MACROD2: variants seen among roughly 807,000 people sequenced by gnomAD.
MACROD2 encodes the protein mono-ADP ribosylhydrolase 2.
A neutral mutation model predicts 70.4 loss-of-function variants in MACROD2; 36 were observed. The observed-to-expected ratio is 0.51, with a 90% CI of 0.39 to 0.68. The LOEUF (loss-of-function observed/expected upper bound fraction) is 0.68. Ranked by LOEUF, MACROD2 falls within the 30% of genes least tolerant of loss-of-function variation. The pLI is 0.00. For synonymous variants in MACROD2, 172 were observed against 178.8 expected (o/e 0.96, Z 0.30); for missense variants, 496 against 538.4 (o/e 0.92, Z 0.78).
At chr20:15,089,514 C>A (rs1185426623) in intron 5 of MACROD2, among the ~76,000 whole-genome samples, 1 of 152,086 alleles carries the variant, frequency 6.6e-6, no homozygotes, top group Non-Finnish European at 1.5e-5. Flanking sequence ...AACATGTCAA[C>A]TCTTTTATCT....
chr20:14,702,829 G>A (rs1468536606), intron 5 of MACROD2, among the ~76,000 whole-genome samples: 2 of 150,900 alleles, frequency 1.3e-5, no homozygotes, highest in Non-Finnish European at 2.9e-5. Context: ...CTGGGTTCAA[G>A]CAATTCTCCT....
chr20:14,051,835 C>G, intron 2 of MACROD2: 1 of 482,444 alleles, frequency 2.1e-6, no homozygotes, highest in Non-Finnish European at 4.2e-6. Flanking sequence ...TTGAAAGGCC[C>G]ATCCTTTTTG....
intron 8 of MACROD2, among the ~76,000 whole-genome samples, chr20:15,859,349 A>C (rs2064393867): frequency 6.6e-6 from 1 of 152,162 alleles, no homozygotes; most frequent in Non-Finnish European, 1.5e-5. Flanking sequence ...AGACCTGTGC[A>C]GCTCAAACCT....
At chr20:14,540,699 T>C (rs1054427163) in intron 4 of MACROD2, among the ~76,000 whole-genome samples, 17 of 152,176 alleles carry the variant, frequency 1.1e-4, no homozygotes, top group African/African-American at 3.9e-4. Context: ...CCATAATCCC[T>C]TTTACCTATT....
At chr20:14,489,059 T>A (rs560200330) in intron 3 of MACROD2, among the ~76,000 whole-genome samples, 1 of 152,358 alleles carries the variant, frequency 6.6e-6, no homozygotes, top group South Asian at 2.1e-4. Flanking sequence ...ACAACACAGA[T>A]ACTGGAATAA....
At chr20:14,828,016 A>G (rs187130608) in intron 5 of MACROD2, among the ~76,000 whole-genome samples, 1 of 152,180 alleles carries the variant, frequency 6.6e-6, no homozygotes, top group African/African-American at 2.4e-5. Flanking sequence ...TTATGAAATT[A>G]ATGTGCATTC....
chr20:14,384,203 TAAAACCTG>T (rs2083449422), intron 3 of MACROD2, among the ~76,000 whole-genome samples: 1 of 152,124 alleles, frequency 6.6e-6, no homozygotes, highest in African/African-American at 2.4e-5. Context: ...TTCAAATTCA[TAAAACCTG>T]AGATATTCAG....
chr20:15,282,808 G>T (rs2077457438), intron 6 of MACROD2, among the ~76,000 whole-genome samples: 1 of 152,048 alleles, frequency 6.6e-6, no homozygotes, highest in African/African-American at 2.4e-5. Context: ...CCACATTCTG[G>T]GTATCTTTAT....
rs772728595 is a variant in MACROD2, at chr20:15,815,460, T to C, written c.646-47285T>C. ...AAAATAAAATGGAACTCCAGACCTG[T>C]GTGCGACAGCTGGTGTTCATATGAC... On this transcript the variant is annotated intron_variant, in intron 8 of 17. Coordinates refer to ENST00000684519, the MANE Select transcript of MACROD2 (RefSeq NM_001351661.2). Among the ~76,000 whole-genome samples, 2 of 152,078 alleles carry C rather than the reference T, an allele frequency of 1.3e-5. 1 individual carries two copies. Among genetic ancestry groups the C allele is most frequent in the East Asian group, 3.9e-4 (2 of 5,180 alleles).
At chr20:15,426,188 C>G (rs961941313) in intron 6 of MACROD2, among the ~76,000 whole-genome samples, 1 of 145,658 alleles carries the variant, frequency 6.9e-6, no homozygotes. Context: ...GAGAAACACC[C>G]AAGAATGATC....
At chr20:14,224,058 G>A (rs924643810) in intron 3 of MACROD2, among the ~76,000 whole-genome samples, 2 of 152,148 alleles carry the variant, frequency 1.3e-5, no homozygotes, top group African/African-American at 4.8e-5. Flanking sequence ...TTGATTGGAT[G>A]AGGCTCACCC....
At chr20:15,575,377 A>G (rs1034818414) in intron 8 of MACROD2, among the ~76,000 whole-genome samples, 1 of 152,172 alleles carries the variant, frequency 6.6e-6, no homozygotes, top group Admixed American at 6.5e-5. Context: ...AGCAGAATGA[A>G]TGAATACCAT....
chr20:15,128,421 G>T (rs1451212706), intron 5 of MACROD2, among the ~76,000 whole-genome samples: 2 of 152,056 alleles, frequency 1.3e-5, no homozygotes, highest in African/African-American at 4.8e-5. Context: ...TTACTTGAAA[G>T]ATTAAATTAT....
chr20:15,556,758 T>C, intron 8 of MACROD2, among the ~76,000 whole-genome samples: 1 of 152,200 alleles, frequency 6.6e-6, no homozygotes, highest in Non-Finnish European at 1.5e-5. Context: ...ATAAACTCAA[T>C]ACATTGTGGG....
At chr20:14,852,339 G>A (rs2073208269) in intron 5 of MACROD2, among the ~76,000 whole-genome samples, 1 of 152,054 alleles carries the variant, frequency 6.6e-6, no homozygotes. Context: ...TTGATCTGGG[G>A]GTCACTGGTG....
At chr20:15,322,573 G>A (rs1005744624) in intron 6 of MACROD2, among the ~76,000 whole-genome samples, 1 of 144,194 alleles carries the variant, frequency 6.9e-6, no homozygotes, top group African/African-American at 2.5e-5. Flanking sequence ...ACTCTCCCCC[G>A]CTCAACTATT....
At chr20:14,082,177 CTTTTT>C (rs66918191) in intron 2 of MACROD2, among the ~76,000 whole-genome samples, 2 of 93,204 alleles carry the variant, frequency 2.1e-5, no homozygotes, top group Admixed American at 1.7e-4. Flanking sequence ...CTTTTTTTTT[CTTTTT>C]TTTTTTTTTT....
At chr20:15,814,526 G>A (rs1041542058) in intron 8 of MACROD2, among the ~76,000 whole-genome samples, 1 of 152,074 alleles carries the variant, frequency 6.6e-6, no homozygotes, top group Non-Finnish European at 1.5e-5. Context: ...TTGCCTCTCT[G>A]TGTTACTTCA....
At chr20:15,924,857 G>A (rs1339625113) in intron 10 of MACROD2, among the ~76,000 whole-genome samples, 1 of 152,204 alleles carries the variant, frequency 6.6e-6, no homozygotes, top group Non-Finnish European at 1.5e-5. Flanking sequence ...AGCACAGTGT[G>A]TGCCTGTTTT....
Sources: allele counts gnomAD v4.1 joint callset (sites outside exome capture counted in the v4.1 genomes callset), GRCh38; gene constraint gnomAD v4.1.1; transcripts MANE v1.5; gene names NCBI Gene and HGNC (gene_info 2026-07-23, HGNC 2026-07-21).